HCN1: variants seen among roughly 807,000 people sequenced by gnomAD.
The protein encoded by HCN1 is hyperpolarization activated cyclic nucleotide gated potassium channel 1.
A neutral mutation model predicts 78.9 loss-of-function variants in HCN1; 13 were observed. The observed-to-expected ratio is 0.16, with a 90% CI of 0.11 to 0.26. The LOEUF (loss-of-function observed/expected upper bound fraction) is 0.26, where lower values mean the gene tolerates loss of function less well. Ranked by LOEUF, HCN1 falls within the 10% of genes least tolerant of loss-of-function variation. The probability of loss-of-function intolerance (pLI) is 1.00; values close to 1 mark genes in which losing one functional copy is unlikely to be tolerated. For missense variants in HCN1, 810 were observed against 1,154.3 expected (o/e 0.70, Z 4.32); for synonymous variants, 552 against 455.5 (o/e 1.21, Z -2.70).
intron 2 of HCN1, among the ~76,000 whole-genome samples, chr5:45,596,992 G>A (rs772633509): frequency 2.0e-5 from 3 of 152,138 alleles, no homozygotes; most frequent in Non-Finnish European, 2.9e-5. Context: ...CTCTTACAAA[G>A]AGGAGCTGCT....
intron 2 of HCN1, among the ~76,000 whole-genome samples, chr5:45,488,885 C>A (rs1033480165): frequency 2.9e-4 from 44 of 152,282 alleles, no homozygotes; most frequent in African/African-American, 1.0e-3. Flanking sequence ...AAACACACAT[C>A]TTCAAAGCTC....
chr5:45,425,270 A>G (rs779056978), intron 3 of HCN1, among the ~76,000 whole-genome samples: 4 of 152,236 alleles, frequency 2.6e-5, no homozygotes, highest in Non-Finnish European at 4.4e-5. Context: ...CACAGTTTAT[A>G]TGCACATAAT....
At chr5:45,265,189 TA>T (rs34632955) in intron 7 of HCN1, among the ~76,000 whole-genome samples, 2,860 of 139,800 alleles carry the variant, frequency 0.02, 55 homozygotes, top group African/African-American at 0.056. Flanking sequence ...GATTCTGTCT[TA>T]AAAAAAAAAA....
intron 2 of HCN1, among the ~76,000 whole-genome samples, chr5:45,613,290 T>G (rs1318028605): frequency 6.6e-6 from 1 of 151,922 alleles, no homozygotes; most frequent in Non-Finnish European, 1.5e-5. Context: ...TTACTGAGAA[T>G]GATGTTTTCC....
At chr5:45,458,698 G>T (rs538263483) in intron 3 of HCN1, among the ~76,000 whole-genome samples, 1 of 152,204 alleles carries the variant, frequency 6.6e-6, no homozygotes, top group East Asian at 1.9e-4. Context: ...AGATATATAA[G>T]CATTCTACTC....
intron 1 of HCN1, among the ~76,000 whole-genome samples, chr5:45,677,246 T>G (rs1739578751): frequency 6.6e-6 from 1 of 151,764 alleles, no homozygotes; most frequent in Non-Finnish European, 1.5e-5. Context: ...CTCACAAGAT[T>G]GGAAGTTCAC....
intron 4 of HCN1, among the ~76,000 whole-genome samples, chr5:45,373,069 T>C (rs1747459463): frequency 7.4e-6 from 1 of 135,198 alleles, no homozygotes; most frequent in African/African-American, 2.7e-5. Context: ...AAAATATATG[T>C]AGTATATAAT....
chr5:45,401,473 CAT>C (rs1436734009), intron 3 of HCN1, among the ~76,000 whole-genome samples: 1 of 152,034 alleles, frequency 6.6e-6, no homozygotes, highest in Non-Finnish European at 1.5e-5. Context: ...TATAATTACT[CAT>C]ATAAATATTT....
intron 4 of HCN1, among the ~76,000 whole-genome samples, chr5:45,381,195 T>C (rs1343215963): frequency 1.3e-5 from 2 of 152,168 alleles, no homozygotes; most frequent in Admixed American, 6.6e-5. Context: ...TAAAATAAGA[T>C]ACTTTTGAAA....
intron 5 of HCN1, among the ~76,000 whole-genome samples, chr5:45,321,975 C>T (rs763062093): frequency 6.6e-6 from 1 of 151,730 alleles, no homozygotes; most frequent in African/African-American, 2.4e-5. Context: ...TCCTCTGTGC[C>T]TCACCAGAAA....
At chr5:45,434,496 C>T (rs181206842) in intron 3 of HCN1, among the ~76,000 whole-genome samples, 7 of 152,182 alleles carry the variant, frequency 4.6e-5, no homozygotes, top group Middle Eastern at 3.4e-3. Flanking sequence ...CATACTAGAA[C>T]GTAGAAATTA....
chr5:45,314,799 G>A (rs1745942880), intron 5 of HCN1, among the ~76,000 whole-genome samples: 1 of 152,066 alleles, frequency 6.6e-6, no homozygotes. Context: ...AACCAACAAA[G>A]ATCAAAAGAG....
intron 3 of HCN1, among the ~76,000 whole-genome samples, chr5:45,455,680 G>GC (rs1741014657): frequency 6.9e-6 from 1 of 144,488 alleles, no homozygotes; most frequent in African/African-American, 2.6e-5. Context: ...TGCAAATTTC[G>GC]CCCCCTATGT....
At position 45,523,635 on chromosome 5, in the gene HCN1, T is replaced by G. The variant is rs1579947927; in HGVS notation, c.850-61628A>C. Among the ~76,000 whole-genome samples, 49 of 152,196 alleles carry G rather than the reference T, an allele frequency of 3.2e-4. 1 individual carries two copies. The South Asian group carries it at 1.0e-2, about 31-fold the overall frequency. On this transcript the variant is annotated intron_variant, in intron 2 of 7. Coordinates refer to ENST00000303230, the MANE Select transcript of HCN1 (RefSeq NM_021072.4). ...GTGATGGTGAGCATTTTTTCATGTG[T>G]TTTTTGGCTGCATAAATGTCTTCTT...
At chr5:45,388,208 C>G (rs916975118) in intron 4 of HCN1, among the ~76,000 whole-genome samples, 6 of 152,162 alleles carry the variant, frequency 3.9e-5, no homozygotes, top group Non-Finnish European at 8.8e-5. Flanking sequence ...GTTCTTGTAT[C>G]TGTGGCACAG....
chr5:45,690,453 T>C (rs193032602), intron 1 of HCN1, among the ~76,000 whole-genome samples: 18 of 152,206 alleles, frequency 1.2e-4, no homozygotes, highest in African/African-American at 2.4e-4. Context: ...TTTACTTCTA[T>C]ATATATTCTT....
chr5:45,545,715 C>T (rs1311725158), intron 2 of HCN1, among the ~76,000 whole-genome samples: 1 of 152,098 alleles, frequency 6.6e-6, no homozygotes, highest in African/African-American at 2.4e-5. Flanking sequence ...ATCTTTTCCC[C>T]ATTTCTTGTT....
chr5:45,583,839 G>T (rs1180362155), intron 2 of HCN1, among the ~76,000 whole-genome samples: 1 of 152,168 alleles, frequency 6.6e-6, no homozygotes, highest in Non-Finnish European at 1.5e-5. Context: ...GCAGTTTTGA[G>T]TGAGTTTCTT....
chr5:45,626,571 A>C (rs1189181760), intron 2 of HCN1, among the ~76,000 whole-genome samples: 1 of 152,196 alleles, frequency 6.6e-6, no homozygotes, highest in African/African-American at 2.4e-5. Flanking sequence ...CTTTAGCTAA[A>C]GGTGTTCAGG....
Sources: gnomAD v4.1 joint callset for allele counts (sites outside exome capture counted in the v4.1 genomes callset) on GRCh38, gnomAD v4.1.1 for gene constraint, MANE v1.5 for transcripts, NCBI Gene and HGNC (gene_info 2026-07-23, HGNC 2026-07-21) for gene names.